Variants in PRR16 observed in about 807,000 individuals in gnomAD.
PRR16 encodes protein Largen.
A neutral mutation model predicts 18.2 loss-of-function variants in PRR16; 6 were observed. The observed-to-expected ratio is 0.33, with a 90% CI of 0.18 to 0.65. PRR16 has a LOEUF of 0.65. Ranked by LOEUF, PRR16 falls within the 30% of genes least tolerant of loss-of-function variation. PRR16 has a pLI of 0.74. For missense variants in PRR16, 412 were observed against 376.6 expected, an observed-to-expected ratio of 1.09 and a Z score of -0.78; for synonymous variants, 151 against 147.8, an observed-to-expected ratio of 1.02 and a Z score of -0.16.
At chr5:120,631,652 C>T (rs1233687706) in intron 1 of PRR16, among the ~76,000 whole-genome samples, 1 of 152,186 alleles carries the variant, frequency 6.6e-6, no homozygotes, top group South Asian at 2.1e-4. Context: ...GAACTACACT[C>T]CTATTCCCCA....
At chr5:120,563,104 G>T (rs1752626545) in intron 1 of PRR16, among the ~76,000 whole-genome samples, 1 of 152,124 alleles carries the variant, frequency 6.6e-6, no homozygotes, top group African/African-American at 2.4e-5. Context: ...GTCTGGGAAG[G>T]TCTTTATTTC....
At chr5:120,710,905 A>G in the PRR16 span, 2 of 151,628 alleles carry the variant, frequency 1.3e-5, no homozygotes, top group Non-Finnish European at 2.9e-5. Context: ...AAAATCAAAG[A>G]GTTAGTAGGG....
intron 1 of PRR16, among the ~76,000 whole-genome samples, chr5:120,523,472 TGTGA>T (rs1447242844): frequency 1.3e-5 from 2 of 152,150 alleles, no homozygotes; most frequent in Admixed American, 1.3e-4. Flanking sequence ...TATTTGTATT[TGTGA>T]GTATTATAAA....
intron 1 of PRR16, among the ~76,000 whole-genome samples, chr5:120,664,250 G>A (rs922973429): frequency 6.6e-6 from 1 of 151,956 alleles, no homozygotes; most frequent in Non-Finnish European, 1.5e-5. Context: ...TATGAGCTGA[G>A]ATCGCACCAT....
At chr5:120,606,904 T>TAA (rs34216613) in intron 1 of PRR16, among the ~76,000 whole-genome samples, 18 of 149,300 alleles carry the variant, frequency 1.2e-4, no homozygotes, top group Non-Finnish European at 2.1e-4. Context: ...GACCCTTTCT[T>TAA]AAAAAAAAAA....
chr5:120,589,095 A>G (rs1753547794), intron 1 of PRR16, among the ~76,000 whole-genome samples: 2 of 152,122 alleles, frequency 1.3e-5, no homozygotes, highest in Non-Finnish European at 1.5e-5. Flanking sequence ...AACCCACTGG[A>G]TAAGGTTATT....
intron 1 of PRR16, among the ~76,000 whole-genome samples, chr5:120,585,541 C>A (rs1193049912): frequency 6.6e-6 from 1 of 151,748 alleles, no homozygotes; most frequent in Non-Finnish European, 1.5e-5. Context: ...ATCTCTTGAA[C>A]CCAGGAATTG....
intron 1 of PRR16, among the ~76,000 whole-genome samples, chr5:120,615,777 C>T (rs904195471): frequency 2.0e-5 from 3 of 151,760 alleles, no homozygotes; most frequent in Admixed American, 6.6e-5. Context: ...TTCTGTCATC[C>T]ATGTGTATAT....
intron 1 of PRR16, among the ~76,000 whole-genome samples, chr5:120,616,563 T>C (rs1561575958): frequency 6.6e-6 from 1 of 152,164 alleles, no homozygotes; most frequent in Non-Finnish European, 1.5e-5. Flanking sequence ...TCCCTTTAAA[T>C]ATTGGAGGAT....
In PRR16 at chr5:120,686,766, G is replaced by T. The variant is rs1004623325; in HGVS notation, c.*57G>T. 3.9e-6 allele frequency: 5 copies of T among 1,280,896 alleles called. No individual in the cohort carries two copies. The highest frequency in any genetic ancestry group is 5.1e-6 in the Non-Finnish European group (5 of 979,954). The allele number at this position is 1,280,896 out of a possible 1,614,324, so 79.3% of individuals were successfully genotyped here. ...TTTCTATATTATAAACATAAAATAA[G>T]TAATGAGCACTTTCTACTCAAGCAA... On this transcript the variant is annotated 3_prime_UTR_variant, in exon 2 of 2. Transcript: ENST00000407149.
chr5:120,659,008 C>G (rs918019216), intron 1 of PRR16, among the ~76,000 whole-genome samples: 1 of 151,842 alleles, frequency 6.6e-6, no homozygotes, highest in Non-Finnish European at 1.5e-5. Context: ...TTTTCTCTTT[C>G]TCTCTCACCT....
chr5:120,794,509 G>A, the PRR16 span, among the ~76,000 whole-genome samples: 1 of 152,056 alleles, frequency 6.6e-6, no homozygotes, highest in African/African-American at 2.4e-5. Context: ...TGTTACTGTT[G>A]TAATTGTTTT....
At chr5:120,628,211 C>T (rs1297699510) in intron 1 of PRR16, among the ~76,000 whole-genome samples, 5 of 152,038 alleles carry the variant, frequency 3.3e-5, no homozygotes, top group South Asian at 2.1e-4. Context: ...GAACCTGATG[C>T]GCTGACAGTA....
chr5:120,496,107 TA>T (rs1750236453), intron 1 of PRR16, among the ~76,000 whole-genome samples: 4 of 152,164 alleles, frequency 2.6e-5, no homozygotes, highest in Admixed American at 2.0e-4. Context: ...TATGGTTGAT[TA>T]AAAAAGTATT....
intron 1 of PRR16, among the ~76,000 whole-genome samples, chr5:120,588,579 C>T (rs1753528517): frequency 6.6e-6 from 1 of 152,132 alleles, no homozygotes; most frequent in Non-Finnish European, 1.5e-5. Context: ...TTAAGGTATG[C>T]ACATTTTTTT....
Position 120,634,829 on chromosome 5 carries a change from A to C in PRR16, c.160-51125A>C, listed in dbSNP as rs573321359. ...AATACAACAGATCAATGAAACAAAA[A>C]GTTAGTTCTTTGAAAAGATAAAATT... On this transcript the variant is annotated intron_variant, in intron 1 of 1. Transcript: ENST00000407149. Among the ~76,000 whole-genome samples, 10 of 152,260 alleles carry C rather than the reference A, an allele frequency of 6.6e-5. No individual in the cohort carries two copies. In the East Asian group the frequency reaches 1.9e-3, roughly 29 times the overall value.
At chr5:120,502,557 A>G (rs1750497075) in intron 1 of PRR16, among the ~76,000 whole-genome samples, 1 of 152,106 alleles carries the variant, frequency 6.6e-6, no homozygotes, top group South Asian at 2.1e-4. Context: ...TGGAAGGATA[A>G]CCGATACAGG....
intron 1 of PRR16, among the ~76,000 whole-genome samples, chr5:120,653,242 A>G (rs1755852081): frequency 6.6e-6 from 1 of 151,940 alleles, no homozygotes; most frequent in Admixed American, 6.6e-5. Context: ...TGGAAAAAAA[A>G]CAGTTGAGCT....
At chr5:120,758,711 G>C in the PRR16 span, among the ~76,000 whole-genome samples, 1 of 152,032 alleles carries the variant, frequency 6.6e-6, no homozygotes, top group Admixed American at 6.6e-5. Context: ...TCCTGTTGGT[G>C]TAACTGTCCT....
Sources: gnomAD v4.1 joint callset for allele counts (sites outside exome capture counted in the v4.1 genomes callset) on GRCh38, gnomAD v4.1.1 for gene constraint, MANE v1.5 for transcripts, NCBI Gene and HGNC (gene_info 2026-07-23, HGNC 2026-07-21) for gene names.